Variants in DGKH observed in about 807,000 individuals in gnomAD.
DGKH encodes the protein DAG kinase eta.
A neutral mutation model predicts 159.3 loss-of-function variants in DGKH; 90 were observed. The observed-to-expected ratio is 0.57, with a 90% CI of 0.48 to 0.67. The LOEUF is 0.67. Among genes scored for constraint, DGKH ranks in the 30% least tolerant of loss-of-function variants. DGKH has a pLI of 0.00. For synonymous variants in DGKH, 536 were observed against 553.8 expected (o/e 0.97, Z 0.45); for missense variants, 1,181 against 1,506.1 (o/e 0.78, Z 3.57).
At position 42,242,894 on chromosome 13, in the gene DGKH, A is replaced by G. The variant is rs566096597; in HGVS notation, c.*13706A>G. 1 of 152,384 alleles carries G rather than the reference A, an allele frequency of 6.6e-6. No individual in the cohort carries two copies. Among genetic ancestry groups the G allele is most frequent in the East Asian group, 1.9e-4 (1 of 5,194 alleles). The allele number at this position is 152,384 out of a possible 1,614,324, so 9.4% of individuals were successfully genotyped here. A position where few individuals can be genotyped will look rare whatever the true frequency, so the allele number is the denominator to read the frequency against. ...TCAAATAAAAAGAATGCATTTGAAG[A>G]AAGTGTGAAGTCTACGTTGTTTCTG... On this transcript the variant is annotated 3_prime_UTR_variant, in exon 30 of 30. Coordinates refer to ENST00000337343, the MANE Select transcript of DGKH (RefSeq NM_178009.5).
At chr13:42,074,861 A>C (rs1954065331) in intron 1 of DGKH, among the ~76,000 whole-genome samples, 2 of 152,210 alleles carry the variant, frequency 1.3e-5, no homozygotes, top group Non-Finnish European at 2.9e-5. Flanking sequence ...ATTTAGCAAA[A>C]CAGTTTTTGG....
chr13:42,106,536 A>T (rs919732320), intron 1 of DGKH, among the ~76,000 whole-genome samples: 1 of 152,230 alleles, frequency 6.6e-6, no homozygotes. Flanking sequence ...CAATGAAAAA[A>T]GTCTACTCTT....
At chr13:42,142,005 C>A (rs1955575081) in intron 3 of DGKH, among the ~76,000 whole-genome samples, 1 of 151,384 alleles carries the variant, frequency 6.6e-6, no homozygotes, top group Admixed American at 6.6e-5. Flanking sequence ...CCTAGGTTTT[C>A]TTCTAGGGTT....
chr13:42,060,565 G>C lies in DGKH; in HGVS notation c.192+11600G>C, dbSNP rs1377231267. Among the ~76,000 whole-genome samples the C allele has an allele frequency of 3.3e-5, 5 of 152,142 alleles. No individual in the cohort carries two copies. The East Asian group carries it at 9.7e-4, about 29-fold the overall frequency. On this transcript the variant is annotated intron_variant, in intron 1 of 29. Transcript: ENST00000337343. ...GTAGAATAAATTGCCTCGTATAGAA[G>C]GGATTGACTTTTTGTCTTGCTAATC...
In DGKH at chr13:42,210,735, G is replaced by T; in HGVS notation, c.2984G>T (p.Cys995Phe). The change falls in exon 24 of 30, where the codon TGC becomes TTC. Residue 995 changes from cysteine (C) to phenylalanine (F), a missense_variant. Transcript: ENST00000337343. ...GAAGAGGTGTCGCAGATGCAGCTAT[G>T]CTCCCAGGCTGCAGAGGAGCTCATT... ...ATEEVSQMQL[C>F]SQAAEELITR... The T allele has an allele frequency of 6.2e-7, 1 of 1,612,520 alleles. No homozygotes were observed. Among genetic ancestry groups the T allele is most frequent in the Non-Finnish European group, 8.5e-7 (1 of 1,179,920 alleles).
rs1957034439 is a variant in DGKH at position 42,190,417 on chromosome 13, A to G, written c.1927A>G (p.Thr643Ala). 3 of 1,607,846 alleles carry G rather than the reference A, an allele frequency of 1.9e-6. No individual in the cohort carries two copies. Among genetic ancestry groups the G allele is most frequent in the Non-Finnish European group, 1.7e-6 (2 of 1,178,098 alleles). ...EEAGKVMDDP[T>A]VHPCEPANQS... ...ACTACCTGAAGTTATGGATGACCCGACAGTTCACCCCTGTGAACCAGCTAA... is the reference window on the plus strand; with the variant it reads ...ACTACCTGAAGTTATGGATGACCCGGCAGTTCACCCCTGTGAACCAGCTAA... The change falls in exon 16 of 30, where the codon ACA becomes GCA. Residue 643 changes from threonine (T) to alanine (A), a missense_variant. Thr to Ala is a moderately conservative substitution (Grantham distance 58). Coordinates refer to ENST00000337343, the MANE Select transcript of DGKH (RefSeq NM_178009.5).
chr13:42,105,946 T>A (rs949335824), intron 1 of DGKH, among the ~76,000 whole-genome samples: 3 of 152,172 alleles, frequency 2.0e-5, no homozygotes, highest in Non-Finnish European at 4.4e-5. Flanking sequence ...ACAATGTATT[T>A]CATATGTGAA....
At chr13:42,048,436 G>A (rs1412853319), upstream of DGKH, among the ~76,000 whole-genome samples, 1 of 151,602 alleles carries the variant, frequency 6.6e-6, no homozygotes, top group Non-Finnish European at 1.5e-5. The surrounding 1 kb of genome is among the most constrained non-coding windows in gnomAD (Gnocchi z 6.7). Context: ...GGGAGTGGAA[G>A]AGATGTTGCT....
chr13:42,102,900 G>A (rs894712721), intron 1 of DGKH, among the ~76,000 whole-genome samples: 12 of 152,210 alleles, frequency 7.9e-5, no homozygotes, highest in Non-Finnish European at 1.5e-4. Context: ...ACTCTGTAGG[G>A]TCCTACTTAC....
chr13:42,058,798 T>A (rs1015387826), intron 1 of DGKH, among the ~76,000 whole-genome samples: 3 of 152,230 alleles, frequency 2.0e-5, no homozygotes, highest in Non-Finnish European at 4.4e-5. Context: ...CCATGCCTTA[T>A]GTTTTCCCTC....
At chr13:42,090,899 T>C (rs1433244461) in intron 1 of DGKH, among the ~76,000 whole-genome samples, 2 of 152,100 alleles carry the variant, frequency 1.3e-5, no homozygotes, top group Middle Eastern at 3.2e-3. Context: ...TCTCTTCTGC[T>C]CTTCTGCCGG....
At chr13:42,085,141 A>G (rs1291707369) in intron 1 of DGKH, among the ~76,000 whole-genome samples, 1 of 152,212 alleles carries the variant, frequency 6.6e-6, no homozygotes, top group African/African-American at 2.4e-5. Flanking sequence ...CAGCTGAGAC[A>G]TGCTAGATCA....
At chr13:42,206,778 C>T (rs1257015124) in intron 21 of DGKH, among the ~76,000 whole-genome samples, 1 of 152,128 alleles carries the variant, frequency 6.6e-6, no homozygotes, top group Non-Finnish European at 1.5e-5. Context: ...TTGATGACCA[C>T]TGTGATTACA....
chr13:42,219,656 A>G, intron 27 of DGKH, 30 bp from the exon 28 acceptor site: 1 of 1,592,766 alleles, frequency 6.3e-7, no homozygotes, highest in Non-Finnish European at 8.6e-7. Flanking sequence ...CATATCCTGA[A>G]AAAATTATTT....
intron 3 of DGKH, among the ~76,000 whole-genome samples, chr13:42,147,382 G>C (rs534881766): frequency 8.5e-5 from 13 of 152,240 alleles, no homozygotes; most frequent in African/African-American, 2.4e-4. Flanking sequence ...TAGTTCTTTT[G>C]AAGTTTTTAG....
intron 3 of DGKH, among the ~76,000 whole-genome samples, chr13:42,148,806 CTCT>C (rs1955802092): frequency 6.6e-6 from 1 of 152,132 alleles, no homozygotes; most frequent in Non-Finnish European, 1.5e-5. Flanking sequence ...TGCCTGATCT[CTCT>C]TCTTCAATGT....
At chr13:42,048,071 G>T (rs1161260431), upstream of DGKH, among the ~76,000 whole-genome samples, 2 of 151,038 alleles carry the variant, frequency 1.3e-5, no homozygotes, top group Non-Finnish European at 3.0e-5. The surrounding 1 kb of genome is among the most constrained non-coding windows in gnomAD (Gnocchi z 6.7). Context: ...AGAGCTGAGG[G>T]GACCCGACGG....
chr13:42,074,763 C>T lies in DGKH; in HGVS notation c.192+25798C>T, dbSNP rs551619643. Among the ~76,000 whole-genome samples, 4 of 152,166 alleles carry T rather than the reference C, an allele frequency of 2.6e-5. No individual in the cohort carries two copies. The South Asian group carries it at 8.3e-4, about 32-fold the overall frequency. ...TGGACTTACAAAGACTAATGAAACA[C>T]GTCTACATTTTAGCTGTTCACTATC... On this transcript the variant is annotated intron_variant, in intron 1 of 29. Coordinates refer to ENST00000337343, the MANE Select transcript of DGKH (RefSeq NM_178009.5).
chr13:42,099,907 A>G (rs939704111), intron 1 of DGKH, among the ~76,000 whole-genome samples: 7 of 152,192 alleles, frequency 4.6e-5, no homozygotes, highest in Non-Finnish European at 8.8e-5. Context: ...ATTGTTCTAA[A>G]TTTTGTTTTA....
Sources: gnomAD v4.1 joint callset for allele counts (sites outside exome capture counted in the v4.1 genomes callset) on GRCh38, gnomAD v4.1.1 for gene constraint, Gnocchi (gnomAD v3.1) non-coding constraint, MANE v1.5 for transcripts, NCBI Gene and HGNC (gene_info 2026-07-23, HGNC 2026-07-21) for gene names.